Variants in ARID2 observed in about 807,000 individuals in gnomAD.
The protein encoded by ARID2 is AT-rich interaction domain 2.
In ARID2, 32 loss-of-function variants were observed where a neutral mutation model predicts 184.6. That is an observed-to-expected ratio of 0.17 (90% confidence interval 0.13 to 0.23). The LOEUF is 0.23. Among genes scored for constraint, ARID2 ranks in the 10% least tolerant of loss-of-function variants. The pLI is 1.00. For missense variants in ARID2, 1,696 were observed against 2,197.6 expected (o/e 0.77, Z 4.56); for synonymous variants, 836 against 772.6 (o/e 1.08, Z -1.36).
intron 3 of ARID2, among the ~76,000 whole-genome samples, chr12:45,806,998 A>G (rs1024380433): frequency 3.3e-5 from 5 of 152,182 alleles, no homozygotes. Flanking sequence ...ACACACCATC[A>G]CTTTCTGTAG....
chr12:45,870,237 C>T (rs1943902199), intron 16 of ARID2, among the ~76,000 whole-genome samples: 1 of 152,144 alleles, frequency 6.6e-6, no homozygotes, highest in Admixed American at 6.5e-5. Context: ...ATCCACCCTC[C>T]TCGGCCTCCC....
At chr12:45,752,766 C>T (rs537812391) in intron 3 of ARID2, among the ~76,000 whole-genome samples, 40 of 152,314 alleles carry the variant, frequency 2.6e-4, no homozygotes, top group African/African-American at 8.2e-4. Flanking sequence ...AAAATGCTGG[C>T]ATTACAGGCG....
At chr12:45,853,357 A>G (rs1489368652) in intron 15 of ARID2, among the ~76,000 whole-genome samples, 2 of 152,148 alleles carry the variant, frequency 1.3e-5, no homozygotes, top group African/African-American at 4.8e-5. Context: ...TATCAGTCGT[A>G]TTCTTTTTGT....
intron 6 of ARID2, among the ~76,000 whole-genome samples, chr12:45,825,819 G>A (rs1034192870): frequency 6.6e-5 from 10 of 151,836 alleles, no homozygotes; most frequent in Non-Finnish European, 8.8e-5. Context: ...AGCTATGATT[G>A]TACCACTGCA....
At chr12:45,801,561 A>C (rs967849644) in intron 3 of ARID2, among the ~76,000 whole-genome samples, 2 of 152,236 alleles carry the variant, frequency 1.3e-5, no homozygotes, top group Non-Finnish European at 2.9e-5. Flanking sequence ...ACAAATAGAC[A>C]TGATGTGCCT....
At chr12:45,890,761 A>G (rs1944289236) in intron 16 of ARID2, among the ~76,000 whole-genome samples, 1 of 152,120 alleles carries the variant, frequency 6.6e-6, no homozygotes, top group Admixed American at 6.6e-5. Flanking sequence ...AGGAATATTA[A>G]TTTGGGATAC....
intron 3 of ARID2, among the ~76,000 whole-genome samples, chr12:45,787,223 T>C (rs923308189): frequency 1.3e-4 from 20 of 151,392 alleles, no homozygotes; most frequent in Admixed American, 3.3e-4. Flanking sequence ...CTTTTCTTTT[T>C]TTTTTTTTTT....
intron 4 of ARID2, 44 bp downstream of exon 4, chr12:45,811,595 G>A (rs1287210308): frequency 6.3e-7 from 1 of 1,595,454 alleles, no homozygotes; most frequent in Non-Finnish European, 8.6e-7. Flanking sequence ...CCGCAGTTTT[G>A]AATTAGGAAA....
In ARID2 at chr12:45,852,909, A is replaced by G. The variant is rs1298271421; in HGVS notation, c.4773+13A>G. 3.2e-6 allele frequency: 5 copies of G among 1,544,406 alleles called. No individual in the cohort carries two copies. The highest frequency in any genetic ancestry group is 2.5e-5 in the South Asian group (2 of 80,054). ...TGTGGTCCCGCAGGTAAGTTATTCC[A>G]TGATCACATTTCTCTTATGAAATTT... On this transcript the variant is annotated intron_variant, in intron 15 of 20. Transcript: ENST00000334344.
intron 3 of ARID2, among the ~76,000 whole-genome samples, chr12:45,807,324 G>A (rs1646536487): frequency 6.6e-6 from 1 of 152,128 alleles, no homozygotes; most frequent in Non-Finnish European, 1.5e-5. Context: ...GTCATACAGA[G>A]TTAATTTTTT....
intron 6 of ARID2, among the ~76,000 whole-genome samples, chr12:45,829,408 A>G (rs1197803481): frequency 2.6e-5 from 4 of 151,966 alleles, no homozygotes; most frequent in African/African-American, 7.2e-5. Context: ...TTATACCTCT[A>G]TGCAATTTAA....
chr12:45,737,683 T>C lies in ARID2; in HGVS notation c.284+6369T>C, dbSNP rs756861039. ...ATTAATATGTATTTCCAAAAAGTGC[T>C]CCAGGTGATTCTTAAGTACACTGAA... On this transcript the variant is annotated intron_variant, in intron 3 of 20. Coordinates refer to ENST00000334344, the MANE Select transcript of ARID2 (RefSeq NM_152641.4). Among the ~76,000 whole-genome samples the C allele has an allele frequency of 2.6e-5, 4 of 152,278 alleles. No individual in the cohort carries two copies. In the South Asian group the frequency reaches 8.3e-4, roughly 32 times the overall value.
intron 6 of ARID2, 38 bp downstream of exon 6, chr12:45,821,525 A>G: frequency 7.5e-7 from 1 of 1,332,934 alleles, no homozygotes; most frequent in South Asian, 1.7e-5. Context: ...TCATTGAGTT[A>G]CATGCAGCTA....
intron 16 of ARID2, among the ~76,000 whole-genome samples, chr12:45,878,800 C>T (rs1208934836): frequency 2.0e-5 from 3 of 152,090 alleles, no homozygotes; most frequent in South Asian, 4.2e-4. Context: ...ATACTTTTGG[C>T]GTGCCTTGTC....
intron 3 of ARID2, among the ~76,000 whole-genome samples, chr12:45,748,304 T>C (rs1403111717): frequency 6.6e-6 from 1 of 152,170 alleles, no homozygotes; most frequent in East Asian, 1.9e-4. Flanking sequence ...GGTGGAAGGA[T>C]TGCTTGAGCC....
At chr12:45,828,688 T>G (rs1452713802) in intron 6 of ARID2, among the ~76,000 whole-genome samples, 1 of 152,076 alleles carries the variant, frequency 6.6e-6, no homozygotes, top group South Asian at 2.1e-4. Context: ...TGTAGCTTGG[T>G]TTTAATTTAC....
intron 3 of ARID2, among the ~76,000 whole-genome samples, chr12:45,775,605 A>G (rs957889146): frequency 1.3e-5 from 2 of 152,208 alleles, no homozygotes; most frequent in African/African-American, 2.4e-5. Flanking sequence ...GCTTTGCTAT[A>G]TTGGAACTGT....
Position 45,851,370 on chromosome 12 carries a change from C to T in ARID2, c.3247C>T (p.Gln1083Ter). 6.2e-7 allele frequency: 1 copy of T among 1,614,160 alleles called. No homozygotes were observed. Among genetic ancestry groups the T allele is most frequent in the Non-Finnish European group, 8.5e-7 (1 of 1,180,006 alleles). The change falls in exon 15 of 21, where the codon CAG (glutamine) becomes TAG (stop). Residue 1083 changes from glutamine to a stop codon, truncating the protein, a stop_gained. Transcript: ENST00000334344. LOFTEE classifies it high-confidence loss of function. ...PGGKLILPAP[Q>*]IPPPNNARAP... ...TGGTAAGCTTATTCTCCCAGCTCCACAGATTCCTCCCCCTAATAATGCAAG... is the reference window on the plus strand; with the variant it reads ...TGGTAAGCTTATTCTCCCAGCTCCATAGATTCCTCCCCCTAATAATGCAAG...
intron 10 of ARID2, 30 bp downstream of exon 10, chr12:45,837,737 C>G: frequency 6.3e-7 from 1 of 1,592,562 alleles, no homozygotes; most frequent in South Asian, 1.1e-5. Context: ...CACTTATTTT[C>G]TTTATTGAGT....
Sources: allele counts gnomAD v4.1 joint callset (sites outside exome capture counted in the v4.1 genomes callset), GRCh38; gene constraint gnomAD v4.1.1; transcripts MANE v1.5; gene names NCBI Gene and HGNC (gene_info 2026-07-23, HGNC 2026-07-21).